NATD1: variants seen among roughly 807,000 people sequenced by gnomAD.
NATD1 encodes N-acetyltransferase domain containing 1, also known as protein NATD1.
In NATD1, 9 loss-of-function variants were observed where a neutral mutation model predicts 12.0. The observed-to-expected ratio is 0.75, with a 90% CI of 0.45 to 1.30. The LOEUF (loss-of-function observed/expected upper bound fraction) is 1.30, where lower values mean the gene tolerates loss of function less well. Ranked by LOEUF, NATD1 falls within the 50% of genes most tolerant of loss-of-function variation. The probability of loss-of-function intolerance (pLI) is 0.00; values close to 1 mark genes in which losing one functional copy is unlikely to be tolerated. For missense variants in NATD1, 148 were observed against 148.5 expected, an observed-to-expected ratio of 1.00 and a Z score of 0.02; for synonymous variants, 71 against 65.9, an observed-to-expected ratio of 1.08 and a Z score of -0.37.
chr17:21,245,808 C>A (rs1975320118), intron 1 of NATD1, among the ~76,000 whole-genome samples: 2 of 152,190 alleles, frequency 1.3e-5, no homozygotes, highest in African/African-American at 4.8e-5. Context: ...AGCCCCACTC[C>A]CCTCATGCCT....
intron 1 of NATD1, among the ~76,000 whole-genome samples, chr17:21,252,848 T>A (rs1306547705): frequency 6.6e-6 from 1 of 152,024 alleles, no homozygotes; most frequent in East Asian, 1.9e-4. Context: ...CCCCAGCTCC[T>A]GCCTCTGCCT....
At chr17:21,251,382 C>T (rs549806560) in intron 1 of NATD1, among the ~76,000 whole-genome samples, 19 of 152,126 alleles carry the variant, frequency 1.2e-4, no homozygotes, top group South Asian at 2.1e-4. Context: ...AACCAGAGGC[C>T]GCTCTGGAAC....
intron 1 of NATD1, among the ~76,000 whole-genome samples, chr17:21,252,525 G>A (rs1379164989): frequency 6.6e-6 from 1 of 152,180 alleles, no homozygotes; most frequent in East Asian, 1.9e-4. Context: ...GCACACAGAA[G>A]TGAGGCAAAT....
In NATD1 at chr17:21,242,247, TC is replaced by T. The variant is rs1318683572; in HGVS notation, c.*1065del. 5.9e-5 allele frequency: 9 copies of T among 152,158 alleles called. No individual in the cohort carries two copies. The highest frequency in any genetic ancestry group is 2.2e-4 in the African/African-American group (9 of 41,432). The allele number at this position is 152,158 out of a possible 1,614,324, so 9.4% of individuals were successfully genotyped here. Reference sequence around the variant, plus strand: ...GGTCCCACCAAAGCATGCTAGTGTGTCTCCCAGGCTGCACCCAGGAAGGCTG... The same window carrying T: ...GGTCCCACCAAAGCATGCTAGTGTGTTCCCAGGCTGCACCCAGGAAGGCTG... On this transcript the variant is annotated 3_prime_UTR_variant, in exon 3 of 3. Coordinates refer to ENST00000611551, the MANE Select transcript of NATD1 (RefSeq NM_152914.3).
chr17:21,249,812 T>C (rs1975359568), intron 1 of NATD1, among the ~76,000 whole-genome samples: 1 of 152,186 alleles, frequency 6.6e-6, no homozygotes, highest in African/African-American at 2.4e-5. Flanking sequence ...GGGGGCTTGA[T>C]TCTGGCTTAG....
At chr17:21,252,297 G>A (rs1445661989) in intron 1 of NATD1, among the ~76,000 whole-genome samples, 1 of 152,072 alleles carries the variant, frequency 6.6e-6, no homozygotes, top group East Asian at 1.9e-4. Flanking sequence ...GCGACAGAGT[G>A]AGACTCCATC....
In NATD1 at chr17:21,244,375, A is replaced by G. The variant is rs1286672184; in HGVS notation, c.107-151T>C. ...TCAGTGCCTCAGTCTCCTCATCCAT[A>G]AAGTGGAGGTACAATAAAATGTCCT... is the stretch of plus-strand genomic sequence containing the variant. On this transcript the variant is annotated intron_variant, in intron 1 of 2. Coordinates refer to ENST00000611551, the MANE Select transcript of NATD1 (RefSeq NM_152914.3). This position sits in a 1 kb window ranked among gnomAD's most constrained non-coding sequence, Gnocchi z 5.2. The G allele has an allele frequency of 1.9e-5, 12 of 629,014 alleles. No homozygotes were observed. The East Asian group carries it at 3.3e-4, about 18-fold the overall frequency. 39.0% of individuals were successfully genotyped at this position (629,014 alleles called of 1,614,324 possible).
rs1482622503 is a variant in NATD1, at chr17:21,241,903, C to G, written c.*1410G>C. 2 of 152,566 alleles carry G rather than the reference C, an allele frequency of 1.3e-5. No homozygotes were observed. Among genetic ancestry groups the G allele is most frequent in the Admixed American group, 6.5e-5 (1 of 15,272 alleles). The allele number at this position is 152,566 out of a possible 1,614,324, so 9.5% of individuals were successfully genotyped here. On this transcript the variant is annotated 3_prime_UTR_variant, in exon 3 of 3. Coordinates refer to ENST00000611551, the MANE Select transcript of NATD1 (RefSeq NM_152914.3). ...AGGAGGTGAGTGGGAAATGCAACCA[C>G]AGGCCAGCCAGCGCCCGTGCATGGA...
chr17:21,252,696 C>G (rs981294836), intron 1 of NATD1, among the ~76,000 whole-genome samples: 3 of 152,080 alleles, frequency 2.0e-5, no homozygotes, highest in African/African-American at 7.2e-5. Flanking sequence ...AAGCCATATA[C>G]CACCCGCAGA....
Position 21,243,236 on chromosome 17 carries a change from T to C in NATD1, c.*77A>G. On this transcript the variant is annotated 3_prime_UTR_variant, in exon 3 of 3. Transcript: ENST00000611551. Reference sequence around the variant, plus strand: ...TGAGTCTGTTCCCAGTGGGACCAGGTTCCTGAGAGCACGTGGGGCCAGGCA... The same window carrying C: ...TGAGTCTGTTCCCAGTGGGACCAGGCTCCTGAGAGCACGTGGGGCCAGGCA... The C allele has an allele frequency of 1.7e-6, 2 of 1,154,736 alleles. No individual in the cohort carries two copies. Among genetic ancestry groups the C allele is most frequent in the South Asian group, 1.3e-5 (1 of 76,612 alleles). The allele number at this position is 1,154,736 out of a possible 1,614,324, so 71.5% of individuals were successfully genotyped here.
chr17:21,245,670 C>A (rs924389262), intron 1 of NATD1, among the ~76,000 whole-genome samples: 13 of 152,204 alleles, frequency 8.5e-5, no homozygotes, highest in Admixed American at 7.8e-4. Context: ...GCCTGCAGGT[C>A]CTGAGCCACA....
chr17:21,252,432 ATT>A (rs902506096), intron 1 of NATD1, among the ~76,000 whole-genome samples: 29 of 152,272 alleles, frequency 1.9e-4, no homozygotes, highest in African/African-American at 7.0e-4. Context: ...GATCCTTTAC[ATT>A]TGTTACAGTC....
chr17:21,239,770 CAG>C lies in NATD1; in HGVS notation c.*3541_*3542del, dbSNP rs1567643587. ...CACCTCTGCACTCCAGCCTGGGCGA[CAG>C]AGCAAGACTCCCATCTCAAAAAAAA... On this transcript the variant is annotated 3_prime_UTR_variant, in exon 3 of 3. Transcript: ENST00000611551. The C allele has an allele frequency of 6.6e-6, 1 of 152,164 alleles. No homozygotes were observed. The highest frequency in any genetic ancestry group is 6.5e-5 in the Admixed American group (1 of 15,278). The allele number at this position is 152,164 out of a possible 1,614,324, so 9.4% of individuals were successfully genotyped here.
At chr17:21,247,895 T>G (rs961922595) in intron 1 of NATD1, among the ~76,000 whole-genome samples, 2 of 152,090 alleles carry the variant, frequency 1.3e-5, no homozygotes, top group East Asian at 1.9e-4. Flanking sequence ...CCGTCATGGG[T>G]GCTGCGGGCA....
At position 21,251,608 on chromosome 17, in the gene NATD1, G is replaced by A. The variant is rs118003678; in HGVS notation, c.106+1551C>T. ...GCCTCAGTTTCCTCATCTGTAACAC[G>A]GGGTGGTATGTCACAACATTGTCAG... On this transcript the variant is annotated intron_variant, in intron 1 of 2. Coordinates refer to ENST00000611551, the MANE Select transcript of NATD1 (RefSeq NM_152914.3). Among the ~76,000 whole-genome samples, 1,037 of 152,296 alleles carry A rather than the reference G, an allele frequency of 6.8e-3. 9 individuals are homozygous for A. The highest frequency in any genetic ancestry group is 0.012 in the Admixed American group (183 of 15,296).
chr17:21,245,179 A>G (rs1597784300), intron 1 of NATD1, among the ~76,000 whole-genome samples: 1 of 152,104 alleles, frequency 6.6e-6, no homozygotes, highest in East Asian at 1.9e-4. Context: ...GGGAACAGCC[A>G]GTGCAAAGGC....
At position 21,242,773 on chromosome 17, in the gene NATD1, G is replaced by C. The variant is rs1457630438; in HGVS notation, c.*540C>G. 6.5e-6 allele frequency: 1 copy of C among 153,896 alleles called. No individual in the cohort carries two copies. Among genetic ancestry groups the C allele is most frequent in the African/African-American group, 2.4e-5 (1 of 41,462 alleles). The allele number at this position is 153,896 out of a possible 1,614,324, so 9.5% of individuals were successfully genotyped here. Reference sequence around the variant, plus strand: ...TCACTCTGCTGGTCTCTGTCAGGGAGAGCTGACCCTTTCCAGGGCCCTGCC... The same window carrying C: ...TCACTCTGCTGGTCTCTGTCAGGGACAGCTGACCCTTTCCAGGGCCCTGCC... On this transcript the variant is annotated 3_prime_UTR_variant, in exon 3 of 3. Transcript: ENST00000611551.
At chr17:21,250,378 T>C (rs1408043620) in intron 1 of NATD1, among the ~76,000 whole-genome samples, 1 of 152,130 alleles carries the variant, frequency 6.6e-6, no homozygotes. Flanking sequence ...TGATTGTAAA[T>C]AGCAGCCCTG....
chr17:21,241,137 A>C lies in NATD1; in HGVS notation c.*2176T>G, dbSNP rs1374606717. ...TCACCTGCTAGAACACAGGGGTAGG[A>C]ATCTTAGGTGGGAGTGGGAACAGAG... On this transcript the variant is annotated 3_prime_UTR_variant, in exon 3 of 3. Transcript: ENST00000611551. 1.3e-5 allele frequency: 2 copies of C among 152,382 alleles called. No homozygotes were observed. Among genetic ancestry groups the C allele is most frequent in the African/African-American group, 4.8e-5 (2 of 41,418 alleles). The allele number at this position is 152,382 out of a possible 1,614,324, so 9.4% of individuals were successfully genotyped here.
Sources: allele counts gnomAD v4.1 joint callset (sites outside exome capture counted in the v4.1 genomes callset), GRCh38; gene constraint gnomAD v4.1.1; non-coding constraint Gnocchi (gnomAD v3.1); transcripts MANE v1.5; gene names NCBI Gene and HGNC (gene_info 2026-07-23, HGNC 2026-07-21).